Variants in WWOX observed in about 807,000 individuals in gnomAD.
WWOX encodes the protein WW domain containing oxidoreductase.
Under a neutral mutation model 46.2 loss-of-function variants are expected in WWOX, and 69 were observed. The observed-to-expected ratio is 1.49, with a 90% confidence interval of 1.23 to 1.82. The LOEUF is 1.82. Ranked by LOEUF, WWOX falls within the 40% of genes most tolerant of loss-of-function variation. WWOX has a pLI of 0.00. For missense variants in WWOX, 919 were observed against 542.6 expected (o/e 1.69, Z -6.89); for synonymous variants, 359 against 202.6 (o/e 1.77, Z -6.56).
intron 8 of WWOX, among the ~76,000 whole-genome samples, chr16:78,582,869 C>G (rs1237732536): frequency 2.6e-5 from 4 of 152,218 alleles, no homozygotes; most frequent in South Asian, 2.1e-4. Context: ...TAGTGATGTA[C>G]CGGGAACCTC....
At chr16:78,852,292 C>A (rs74035122) in intron 8 of WWOX, among the ~76,000 whole-genome samples, 1 of 152,084 alleles carries the variant, frequency 6.6e-6, no homozygotes. Context: ...CCTGTGTAAC[C>A]TACAGGGGGA....
intron 5 of WWOX, among the ~76,000 whole-genome samples, chr16:78,330,630 C>T (rs917693247): frequency 3.3e-5 from 5 of 152,220 alleles, no homozygotes; most frequent in East Asian, 3.9e-4. Flanking sequence ...CTTTTGACCT[C>T]GTGATCCGCC....
chr16:78,596,376 G>A (rs1269702504), intron 8 of WWOX, among the ~76,000 whole-genome samples: 3 of 152,092 alleles, frequency 2.0e-5, no homozygotes, highest in African/African-American at 7.2e-5. Context: ...AGTGTGGTGG[G>A]GAAGGTGTAC....
Position 79,212,334 on chromosome 16 carries a change from C to T in WWOX, c.*538C>T. On this transcript the variant is annotated 3_prime_UTR_variant, in exon 9 of 9. Coordinates refer to ENST00000566780, the MANE Select transcript of WWOX (RefSeq NM_016373.4). ...ACAAATCTCAGAACCTTGTCCCAGC[C>T]AGTGAGGATGACAGTGACACCCAGA... is the stretch of plus-strand genomic sequence containing the variant. 1 of 719,760 alleles carries T rather than the reference C, an allele frequency of 1.4e-6. No homozygotes were observed. Among genetic ancestry groups the T allele is most frequent in the Non-Finnish European group, 2.2e-6 (1 of 459,680 alleles). The allele number at this position is 719,760 out of a possible 1,614,324, so 44.6% of individuals were successfully genotyped here.
intron 8 of WWOX, among the ~76,000 whole-genome samples, chr16:78,580,075 ATT>A (rs397753314): frequency 1.8e-4 from 26 of 143,718 alleles, no homozygotes; most frequent in African/African-American, 4.3e-4. Context: ...GACAGAGGAA[ATT>A]TTTTTTTTTT....
At chr16:78,533,960 A>G (rs768449528) in intron 8 of WWOX, among the ~76,000 whole-genome samples, 2 of 152,204 alleles carry the variant, frequency 1.3e-5, no homozygotes, top group Admixed American at 1.3e-4. Flanking sequence ...TAGTAACCCT[A>G]CATTCTAGCG....
intron 5 of WWOX, chr16:78,269,003 G>T (rs2079422934): frequency 6.6e-6 from 1 of 152,028 alleles, no homozygotes; most frequent in Admixed American, 6.5e-5. Context: ...ATAAGATTTT[G>T]TTCTCATTTT....
At chr16:78,615,787 G>C (rs1286285295) in intron 8 of WWOX, among the ~76,000 whole-genome samples, 1 of 150,030 alleles carries the variant, frequency 6.7e-6, no homozygotes, top group Non-Finnish European at 1.5e-5. Flanking sequence ...GTCTCACTCT[G>C]TTGCCCAGGC....
rs550798820 is a variant in WWOX, at chr16:78,829,990, G to A, written c.1057-381618G>A. Reference sequence around the variant, plus strand: ...AAATACTTTGGGGCCAGACACAGTGGCTCACACCTGTAAGCCCAGTGCTTT... The same window carrying A: ...AAATACTTTGGGGCCAGACACAGTGACTCACACCTGTAAGCCCAGTGCTTT... On this transcript the variant is annotated intron_variant, in intron 8 of 8. Transcript: ENST00000566780. 3.3e-5 allele frequency among the ~76,000 whole-genome samples: 5 copies of A among 152,266 alleles called. No individual in the cohort carries two copies. In the South Asian group the frequency reaches 8.3e-4, roughly 25 times the overall value.
chr16:79,030,818 C>A (rs1042263275), intron 8 of WWOX, among the ~76,000 whole-genome samples: 1 of 152,136 alleles, frequency 6.6e-6, no homozygotes, highest in Non-Finnish European at 1.5e-5. Flanking sequence ...CATGGTGCCT[C>A]ATTCCTGTAA....
At chr16:78,909,861 G>A (rs536856669) in intron 8 of WWOX, among the ~76,000 whole-genome samples, 1 of 152,174 alleles carries the variant, frequency 6.6e-6, no homozygotes, top group Non-Finnish European at 1.5e-5. Flanking sequence ...TTGGCAAATG[G>A]CACATTGCAT....
At chr16:78,182,330 C>T (rs989285381) in intron 5 of WWOX, among the ~76,000 whole-genome samples, 2 of 152,128 alleles carry the variant, frequency 1.3e-5, no homozygotes, top group African/African-American at 4.8e-5. Context: ...TGGGGCTCTG[C>T]CTACCTGTCT....
At chr16:78,389,144 G>C (rs964271537) in intron 6 of WWOX, among the ~76,000 whole-genome samples, 1 of 152,210 alleles carries the variant, frequency 6.6e-6, no homozygotes, top group African/African-American at 2.4e-5. Context: ...AGATCTGAGA[G>C]AGCCCTCCTG....
chr16:78,732,909 A>C (rs763328741), intron 8 of WWOX, among the ~76,000 whole-genome samples: 1 of 152,186 alleles, frequency 6.6e-6, no homozygotes, highest in Non-Finnish European at 1.5e-5. Flanking sequence ...GTTTCGCAAG[A>C]GTAAAGAAGT....
intron 8 of WWOX, among the ~76,000 whole-genome samples, chr16:78,475,175 A>G (rs555581960): frequency 1.2e-3 from 184 of 152,296 alleles, no homozygotes; most frequent in Middle Eastern, 0.01. Context: ...CATTAATAGG[A>G]TATGTCTAGA....
chr16:79,100,192 C>T (rs550124333), intron 8 of WWOX, among the ~76,000 whole-genome samples: 1 of 152,140 alleles, frequency 6.6e-6, no homozygotes, highest in East Asian at 1.9e-4. Flanking sequence ...ATAGCCTAGC[C>T]AGGGTGGCAA....
At chr16:78,954,812 CAG>C (rs1178201784) in intron 8 of WWOX, among the ~76,000 whole-genome samples, 2 of 152,218 alleles carry the variant, frequency 1.3e-5, no homozygotes, top group East Asian at 3.9e-4. Context: ...TTTTTTGAGA[CAG>C]AGTCTCGTTC....
chr16:78,851,867 T>C (rs937038668), intron 8 of WWOX, among the ~76,000 whole-genome samples: 1 of 152,212 alleles, frequency 6.6e-6, no homozygotes, highest in Non-Finnish European at 1.5e-5. Context: ...CTGGAGTTTT[T>C]ATATATCCTT....
rs1266249869 is a variant in WWOX at position 78,703,336 on chromosome 16, C to A, written c.1056+270584C>A. 2.6e-5 allele frequency among the ~76,000 whole-genome samples: 4 copies of A among 152,120 alleles called. No homozygotes were observed. In the East Asian group the frequency reaches 7.7e-4, roughly 29 times the overall value. On this transcript the variant is annotated intron_variant, in intron 8 of 8. Transcript: ENST00000566780. ...ATTTCTAACAAAATGGGAGTTAAGG[C>A]CGGGCATGGTGGCTCCTACTTGTCA...
Sources: allele counts gnomAD v4.1 joint callset (sites outside exome capture counted in the v4.1 genomes callset), GRCh38; gene constraint gnomAD v4.1.1; transcripts MANE v1.5; gene names NCBI Gene and HGNC (gene_info 2026-07-23, HGNC 2026-07-21).